DOCK1: variants seen among roughly 807,000 people sequenced by gnomAD.
DOCK1 encodes the protein dedicator of cytokinesis 1.
In DOCK1, 138 loss-of-function variants were observed where a neutral mutation model predicts 262.7. The observed-to-expected ratio is 0.53, with a 90% CI of 0.46 to 0.61. DOCK1 has a LOEUF of 0.61. Ranked by LOEUF, DOCK1 falls within the 20% of genes least tolerant of loss-of-function variation. DOCK1 has a pLI of 0.00. For missense variants in DOCK1, 1,908 were observed against 2,370.7 expected (o/e 0.80, Z 4.05); for synonymous variants, 866 against 867.4 (o/e 1.00, Z 0.03).
rs565295000 is a variant in DOCK1 at position 127,113,256 on chromosome 10, G to C, written c.2623+2902G>C. Reference sequence around the variant, plus strand: ...CTAGAACTTGGTATAACTGGATTTAGCTGCATGTGCCACTGAATGCACTTG... The same window carrying C: ...CTAGAACTTGGTATAACTGGATTTACCTGCATGTGCCACTGAATGCACTTG... On this transcript the variant is annotated intron_variant, in intron 25 of 51. Coordinates refer to ENST00000623213, the MANE Select transcript of DOCK1 (RefSeq NM_001290223.2). Among the ~76,000 whole-genome samples, 13 of 152,204 alleles carry C rather than the reference G, an allele frequency of 8.5e-5. No individual in the cohort carries two copies. In the South Asian group the frequency reaches 2.3e-3, roughly 27 times the overall value.
chr10:127,378,309 C>T (rs2065630596), intron 35 of DOCK1, among the ~76,000 whole-genome samples: 1 of 152,150 alleles, frequency 6.6e-6, no homozygotes, highest in Non-Finnish European at 1.5e-5. Flanking sequence ...TCTAAAAGAT[C>T]AATGCCTAGC....
intron 23 of DOCK1, among the ~76,000 whole-genome samples, chr10:127,101,585 A>C (rs958470408): frequency 3.3e-5 from 5 of 152,302 alleles, no homozygotes; most frequent in Non-Finnish European, 5.9e-5. Context: ...GGGTGTCATC[A>C]TGACATTTTT....
chr10:127,314,923 C>T (rs1366195257), intron 29 of DOCK1, among the ~76,000 whole-genome samples: 1 of 152,216 alleles, frequency 6.6e-6, no homozygotes, highest in African/African-American at 2.4e-5. Context: ...GTTTCTGCCA[C>T]TCACATGGGC....
chr10:127,180,258 T>C (rs534509270), intron 27 of DOCK1, among the ~76,000 whole-genome samples: 1 of 152,260 alleles, frequency 6.6e-6, no homozygotes, highest in African/African-American at 2.4e-5. Context: ...GAGCACTGAG[T>C]GAATGTTGCC....
chr10:127,400,434 G>A (rs1398305945), intron 38 of DOCK1, among the ~76,000 whole-genome samples: 1 of 152,204 alleles, frequency 6.6e-6, no homozygotes, highest in African/African-American at 2.4e-5. Flanking sequence ...GGCCAGCCTG[G>A]ACTCTTTTCA....
intron 29 of DOCK1, among the ~76,000 whole-genome samples, chr10:127,258,521 C>G (rs555239388): frequency 1.3e-5 from 2 of 152,266 alleles, no homozygotes; most frequent in South Asian, 4.1e-4. Flanking sequence ...ACGCCTGGAC[C>G]AAGTGTGATG....
chr10:127,286,883 TG>T (rs2061173792), intron 29 of DOCK1, among the ~76,000 whole-genome samples: 1 of 151,690 alleles, frequency 6.6e-6, no homozygotes, highest in South Asian at 2.1e-4. Flanking sequence ...TTTTTCTTTT[TG>T]TTTTTTTTTG....
intron 27 of DOCK1, among the ~76,000 whole-genome samples, chr10:127,209,251 A>C (rs1470389793): frequency 6.6e-6 from 1 of 152,244 alleles, no homozygotes; most frequent in East Asian, 1.9e-4. Flanking sequence ...AGTTAGGAGA[A>C]GATTGAGCTT....
intron 3 of DOCK1, among the ~76,000 whole-genome samples, chr10:126,979,389 G>A (rs9665324): frequency 0.52 from 79,583 of 151,862 alleles, 21,281 homozygotes; most frequent in East Asian, 0.64. Flanking sequence ...TGCAGATGAA[G>A]CTCTGAATTT....
At position 127,175,622 on chromosome 10, in the gene DOCK1, T is replaced by C. The variant is rs761994515; in HGVS notation, c.2847+47858T>C. 25 of 1,612,820 alleles carry C rather than the reference T, an allele frequency of 1.6e-5. No homozygotes were observed. The highest frequency in any genetic ancestry group is 1.2e-4 in the Admixed American group (7 of 59,990). On this transcript the variant is annotated intron_variant, in intron 27 of 51. Transcript: ENST00000623213. The surrounding 1 kb of genome is among the most constrained non-coding windows in gnomAD (Gnocchi z 6.3). ...CGGGGGCCCTGGCACTGAGGGCAGG[T>C]GCGTAAACGGTGGCAACCTCCGTTT...
chr10:127,055,414 T>C (rs2045071757), intron 22 of DOCK1, among the ~76,000 whole-genome samples: 1 of 152,208 alleles, frequency 6.6e-6, no homozygotes, highest in Non-Finnish European at 1.5e-5. Flanking sequence ...TTGAAAGAGC[T>C]TTCCTCATCC....
chr10:126,936,825 T>G (rs2034588230), intron 1 of DOCK1, among the ~76,000 whole-genome samples: 1 of 152,328 alleles, frequency 6.6e-6, no homozygotes, highest in South Asian at 2.1e-4. Context: ...CTTAACCATT[T>G]TTAAGTGTAC....
chr10:127,259,280 G>A (rs190340887), intron 29 of DOCK1, among the ~76,000 whole-genome samples: 109 of 152,262 alleles, frequency 7.2e-4, no homozygotes, highest in Non-Finnish European at 1.4e-3. Flanking sequence ...CTTCTCAGTC[G>A]TCATCTAGAA....
rs115133928 is a variant in DOCK1 at position 127,081,877 on chromosome 10, C to T, written c.2445+20101C>T. ...TTTGAAAATGTCCCAAATGTCCTCT[C>T]GTCACCACCGTAATCAAGAGCTGGA... is the stretch of plus-strand genomic sequence containing the variant. On this transcript the variant is annotated intron_variant, in intron 23 of 51. Transcript: ENST00000623213. Among the ~76,000 whole-genome samples, 991 of 152,292 alleles carry T rather than the reference C, an allele frequency of 6.5e-3. 4 individuals carry two copies. Among genetic ancestry groups the T allele is most frequent in the African/African-American group, 0.022 (926 of 41,554 alleles).
chr10:126,947,473 T>TTGG (rs1185796938), intron 1 of DOCK1, among the ~76,000 whole-genome samples: 2 of 122,556 alleles, frequency 1.6e-5, no homozygotes, highest in East Asian at 3.1e-4. Flanking sequence ...AGTATTACTG[T>TTGG]TGGTGGTGAT....
chr10:127,142,291 T>C (rs891850674), intron 27 of DOCK1, among the ~76,000 whole-genome samples: 2 of 152,214 alleles, frequency 1.3e-5, no homozygotes, highest in Non-Finnish European at 2.9e-5. Context: ...TTGTGGTTTC[T>C]GAGGACTCTG....
intron 21 of DOCK1, among the ~76,000 whole-genome samples, chr10:127,043,473 C>T (rs181616002): frequency 7.9e-5 from 12 of 152,306 alleles, no homozygotes; most frequent in East Asian, 5.8e-4. Context: ...TCTGACACCG[C>T]GGCTTCCTCG....
intron 1 of DOCK1, among the ~76,000 whole-genome samples, chr10:126,945,773 A>G (rs1008529257): frequency 2.0e-5 from 3 of 152,296 alleles, no homozygotes; most frequent in South Asian, 4.1e-4. Flanking sequence ...CACATACTGT[A>G]TGGCTGGCGG....
chr10:127,129,630 C>T (rs541397886), intron 27 of DOCK1, among the ~76,000 whole-genome samples: 80 of 152,346 alleles, frequency 5.3e-4, no homozygotes, highest in Non-Finnish European at 8.1e-4. Context: ...TGACGTCTGA[C>T]GTTCCTGTCT....
Sources: gnomAD v4.1 joint callset for allele counts (sites outside exome capture counted in the v4.1 genomes callset) on GRCh38, gnomAD v4.1.1 for gene constraint, Gnocchi (gnomAD v3.1) non-coding constraint, MANE v1.5 for transcripts, NCBI Gene and HGNC (gene_info 2026-07-23, HGNC 2026-07-21) for gene names.